Variants in TMEM237 observed in about 807,000 individuals in gnomAD.
TMEM237 encodes the protein transmembrane protein 237.
A neutral mutation model predicts 59.1 loss-of-function variants in TMEM237; 51 were observed. The ratio of observed to expected loss-of-function variants is 0.86; its 90% CI spans 0.69 to 1.09. TMEM237 has a LOEUF of 1.09. TMEM237 is among the 50% of genes least tolerant of loss of function. The pLI is 0.00. For synonymous variants in TMEM237, 140 were observed against 166.1 expected, an observed-to-expected ratio of 0.84 and a Z score of 1.21; for missense variants, 475 against 478.3, an observed-to-expected ratio of 0.99 and a Z score of 0.06.
intron 7 of TMEM237, chr2:201,631,104 C>T (rs1323658090): frequency 2.6e-5 from 4 of 152,090 alleles, no homozygotes; most frequent in African/African-American, 4.8e-5. Context: ...GAAGCCCTAA[C>T]CCCCCAGTGA....
At position 201,633,313 on chromosome 2, in the gene TMEM237, T is replaced by C. The variant is rs756438753; in HGVS notation, c.393A>G (p.Thr131=). The C allele has an allele frequency of 6.3e-7, 1 of 1,598,068 alleles. No homozygotes were observed. Among genetic ancestry groups the C allele is most frequent in the Non-Finnish European group, 8.5e-7 (1 of 1,172,262 alleles). The stretch of plus-strand genomic sequence containing the variant: ...TAGAAGAATAAATAAATTCCTACTT[T>C]GTCTTCCTCCGAGGTTTTTGAATAA... ...EAVIQKPRRK[T]KKTQPAELQY... Residue 131 remains threonine, a splice_region_variant and synonymous_variant, in exon 6 of 13, where the codon ACA becomes ACG. Coordinates refer to ENST00000409883, the MANE Select transcript of TMEM237 (RefSeq NM_001044385.3).
At position 201,623,935 on chromosome 2, in the gene TMEM237, T is replaced by C; in HGVS notation, c.*320A>G. On this transcript the variant is annotated 3_prime_UTR_variant, in exon 13 of 13. Transcript: ENST00000409883. ...ATATTTTATAACACTATTTAAGTTA[T>C]GGCTTTTTCTAAACCAGTGCTTTTT... The C allele has an allele frequency of 5.3e-6, 1 of 188,374 alleles. No homozygotes were observed. The highest frequency in any genetic ancestry group is 1.1e-5 in the Non-Finnish European group (1 of 92,004). 11.7% of individuals were successfully genotyped at this position (188,374 alleles called of 1,614,324 possible). A position where few individuals can be genotyped will look rare whatever the true frequency, so the allele number is the denominator to read the frequency against.
At position 201,632,219 on chromosome 2, in the gene TMEM237, G is replaced by C. The variant is rs1331438077; in HGVS notation, c.396-11C>G. ...GCTGGCTGGGTTTTCCTGTAATAAG[G>C]ACGTATGTATGAAAAATAGATGATT... On this transcript the variant is annotated splice_polypyrimidine_tract_variant and intron_variant, in intron 6 of 12. Coordinates refer to ENST00000409883, the MANE Select transcript of TMEM237 (RefSeq NM_001044385.3). The C allele has an allele frequency of 6.2e-7, 1 of 1,612,486 alleles. No homozygotes were observed. The highest frequency in any genetic ancestry group is 1.7e-5 in the Admixed American group (1 of 59,948).
In TMEM237 at chr2:201,624,181, A is replaced by G. The variant is rs190276722; in HGVS notation, c.*74T>C. Reference sequence around the variant, plus strand: ...ATCTATTACAAATACACATGTATACATCTTATAAAAATACATTTAAAAACA... The same window carrying G: ...ATCTATTACAAATACACATGTATACGTCTTATAAAAATACATTTAAAAACA... On this transcript the variant is annotated 3_prime_UTR_variant, in exon 13 of 13. Transcript: ENST00000409883. The G allele has an allele frequency of 3.9e-5, 44 of 1,114,598 alleles. No individual in the cohort carries two copies. The East Asian group carries it at 1.1e-3, about 27-fold the overall frequency. The allele number at this position is 1,114,598 out of a possible 1,614,324, so 69.0% of individuals were successfully genotyped here. A position where few individuals can be genotyped will look rare whatever the true frequency, so the allele number is the denominator to read the frequency against.
Position 201,629,339 on chromosome 2 carries a change from G to C in TMEM237, c.760C>G (p.Gln254Glu). ...IVVIYVLAGD[Q>E]LSNLSNLLQQ... ...AGAAGGTTTGAGAGGTTGGATAGCT[G>C]ATCTCCTGCTAGAACATATATCACA... The change falls in exon 9 of 13, where the codon CAG becomes GAG. Residue 254 changes from glutamine (Q) to glutamate (E), a missense_variant. Physicochemically the swap from Gln to Glu is conservative, Grantham distance 29. Coordinates refer to ENST00000409883, the MANE Select transcript of TMEM237 (RefSeq NM_001044385.3). The C allele has an allele frequency of 6.2e-7, 1 of 1,611,390 alleles. No individual in the cohort carries two copies. The highest frequency in any genetic ancestry group is 2.2e-5 in the East Asian group (1 of 44,850).
intron 1 of TMEM237, chr2:201,642,800 T>C (rs1471890228): frequency 5.0e-6 from 7 of 1,409,116 alleles, no homozygotes; most frequent in Non-Finnish European, 6.4e-6. Context: ...GGGACCTGGA[T>C]TGGCCAGTCC....
At chr2:201,642,845 G>C (rs748145005) in intron 1 of TMEM237, 34 of 1,343,234 alleles carry the variant, frequency 2.5e-5, no homozygotes, top group Non-Finnish European at 3.0e-5. Context: ...CCTCGGAGTT[G>C]GGGGTAATGT....
Position 201,643,274 on chromosome 2 carries a change from G to GGC in TMEM237, c.42+84_42+85insGC. On this transcript the variant is annotated intron_variant, in intron 1 of 12. Transcript: ENST00000409883. This position sits in a 1 kb window ranked among gnomAD's most constrained non-coding sequence, Gnocchi z 4.3. ...CCTTAGTGATTCCCAGCTCGTTGGCGCCCCCCCACACACACCCACCCCCAC... is the reference window on the plus strand; with the variant it reads ...CCTTAGTGATTCCCAGCTCGTTGGCGGCCCCCCCCACACACACCCACCCCCAC... The GGC allele has an allele frequency of 1.2e-4, 139 of 1,206,452 alleles. No individual in the cohort carries two copies. The highest frequency in any genetic ancestry group is 1.5e-4 in the Non-Finnish European group (124 of 849,034). 74.7% of individuals were successfully genotyped at this position (1,206,452 alleles called of 1,614,324 possible).
intron 5 of TMEM237, among the ~76,000 whole-genome samples, chr2:201,633,961 G>A (rs1249957262): frequency 6.6e-6 from 1 of 152,210 alleles, no homozygotes; most frequent in African/African-American, 2.4e-5. Context: ...CAGTGCCCAA[G>A]GTTAGGGGCT....
intron 11 of TMEM237, among the ~76,000 whole-genome samples, chr2:201,627,013 G>A (rs1228811736): frequency 3.9e-5 from 6 of 151,970 alleles, no homozygotes; most frequent in African/African-American, 1.5e-4. Flanking sequence ...CCAGGAGGCG[G>A]TGGCTGCAGT....
rs144627648 is a variant in TMEM237 at position 201,625,105 on chromosome 2, T to G, written c.1160-783A>C. ...TTGGCCAGGCGCGGTGGCTCACGCC[T>G]TAATCCCAGCACTTTGGGAGGCCGA... is the stretch of plus-strand genomic sequence containing the variant. On this transcript the variant is annotated intron_variant, in intron 12 of 12. Transcript: ENST00000409883. Among the ~76,000 whole-genome samples the G allele has an allele frequency of 7.9e-3, 1,197 of 152,210 alleles. 15 individuals carry two copies. The highest frequency in any genetic ancestry group is 0.028 in the African/African-American group (1,148 of 41,538).
chr2:201,641,419 G>A (rs1375606081), intron 1 of TMEM237, among the ~76,000 whole-genome samples: 1 of 152,006 alleles, frequency 6.6e-6, no homozygotes, highest in African/African-American at 2.4e-5. Flanking sequence ...TGAGAAACAT[G>A]GGCAATTTAA....
rs538296639 is a variant in TMEM237, at chr2:201,622,911, A to T, written c.*1344T>A. 6.4e-6 allele frequency: 1 copy of T among 157,364 alleles called. No individual in the cohort carries two copies. The highest frequency in any genetic ancestry group is 1.9e-4 in the South Asian group (1 of 5,202). The allele number at this position is 157,364 out of a possible 1,614,324, so 9.7% of individuals were successfully genotyped here. A position where few individuals can be genotyped will look rare whatever the true frequency, so the allele number is the denominator to read the frequency against. On this transcript the variant is annotated 3_prime_UTR_variant, in exon 13 of 13. Coordinates refer to ENST00000409883, the MANE Select transcript of TMEM237 (RefSeq NM_001044385.3). ...GCTCTAACGAGCATGGCTTCCCTGA[A>T]GTTTGCTGACGGGGAAGATTATGAA...
At chr2:201,627,012 G>A (rs1048218730) in intron 11 of TMEM237, among the ~76,000 whole-genome samples, 45 of 152,040 alleles carry the variant, frequency 3.0e-4, no homozygotes, top group South Asian at 6.2e-4. Context: ...CCCAGGAGGC[G>A]GTGGCTGCAG....
intron 5 of TMEM237, among the ~76,000 whole-genome samples, chr2:201,633,937 A>C (rs942062577): frequency 6.6e-6 from 1 of 152,240 alleles, no homozygotes; most frequent in Non-Finnish European, 1.5e-5. Flanking sequence ...TGTACAAAAG[A>C]AGCTCATCAG....
chr2:201,630,261 G>A (rs2105899391), intron 7 of TMEM237, among the ~76,000 whole-genome samples: 2 of 152,222 alleles, frequency 1.3e-5, no homozygotes, highest in Middle Eastern at 3.4e-3. Flanking sequence ...GTCAATATTT[G>A]AAAACTACTT....
chr2:201,636,838 A>C lies in TMEM237; in HGVS notation c.184T>G (p.Ser62Ala). ...GLAQTAGRRPSEGNEPSTKEL... is the reference protein window; with the variant it reads ...GLAQTAGRRPAEGNEPSTKEL... ...TTAGTTGATGGCTCATTGCCCTCAG[A>C]GGGCCTTCGACCAGCAGTCTGAGCA... The change falls in exon 5 of 13, where the codon TCT becomes GCT. Residue 62 changes from serine to alanine, a missense_variant. Coordinates refer to ENST00000409883, the MANE Select transcript of TMEM237 (RefSeq NM_001044385.3). The C allele has an allele frequency of 6.2e-7, 1 of 1,606,946 alleles. No homozygotes were observed. The highest frequency in any genetic ancestry group is 8.5e-7 in the Non-Finnish European group (1 of 1,176,850).
intron 5 of TMEM237, 127 bp from the exon 6 acceptor site, chr2:201,633,558 C>T: frequency 1.5e-6 from 1 of 682,764 alleles, no homozygotes; most frequent in Non-Finnish European, 2.1e-6. Context: ...CACTATCTTA[C>T]AAATTTTTAA....
rs1278542116 is a variant in TMEM237 at position 201,622,185 on chromosome 2, A to G, written c.*2070T>C. 6.6e-6 allele frequency: 1 copy of G among 152,252 alleles called. No individual in the cohort carries two copies. Among genetic ancestry groups the G allele is most frequent in the Non-Finnish European group, 1.5e-5 (1 of 68,074 alleles). 9.4% of individuals were successfully genotyped at this position (152,252 alleles called of 1,614,324 possible). A position where few individuals can be genotyped will look rare whatever the true frequency, so the allele number is the denominator to read the frequency against. On this transcript the variant is annotated 3_prime_UTR_variant, in exon 13 of 13. Coordinates refer to ENST00000409883, the MANE Select transcript of TMEM237 (RefSeq NM_001044385.3). ...AGGCAACTATGCCCATGGCAGTTAC[A>G]TATTATCAATGTAGCCAGCTTTCCC... is the stretch of plus-strand genomic sequence containing the variant.
Sources: allele counts gnomAD v4.1 joint callset (sites outside exome capture counted in the v4.1 genomes callset), GRCh38; gene constraint gnomAD v4.1.1; non-coding constraint Gnocchi (gnomAD v3.1); transcripts MANE v1.5; gene names NCBI Gene and HGNC (gene_info 2026-07-23, HGNC 2026-07-21).